GPC4: variants seen among roughly 807,000 people sequenced by gnomAD.
GPC4 encodes glypican-4.
GPC4 carries 10 observed loss-of-function variants against 35.0 expected under a neutral mutation model. The observed-to-expected ratio is 0.29, with a 90% CI of 0.18 to 0.48. The LOEUF (loss-of-function observed/expected upper bound fraction) is 0.48, where lower values mean the gene tolerates loss of function less well. Ranked by LOEUF, GPC4 falls within the 20% of genes least tolerant of loss-of-function variation. GPC4 has a pLI of 0.99. For missense variants in GPC4, 322 were observed against 451.3 expected (o/e 0.71, Z 2.60); for synonymous variants, 167 against 170.2 (o/e 0.98, Z 0.15).
At chrX:133,387,045 C>A (rs2068694234) in intron 1 of GPC4, among the ~76,000 whole-genome samples, 2 of 111,856 alleles carry the variant, frequency 1.8e-5, no homozygotes, top group South Asian at 3.8e-4. Flanking sequence ...AAAAGGAATA[C>A]CTACACCGCT....
At chrX:133,374,212 C>A (rs1043582256) in intron 1 of GPC4, among the ~76,000 whole-genome samples, 2 of 111,352 alleles carry the variant, frequency 1.8e-5, no homozygotes, top group Admixed American at 9.6e-5. Flanking sequence ...AAACCCATAG[C>A]CACCAAAGGG....
At chrX:133,347,706 G>C (rs2068499804) in intron 1 of GPC4, among the ~76,000 whole-genome samples, 1 of 111,335 alleles carries the variant, frequency 9.0e-6, no homozygotes, top group African/African-American at 3.3e-5. Flanking sequence ...CCAGGGAGGT[G>C]GGGGGACGTG....
intron 1 of GPC4, among the ~76,000 whole-genome samples, chrX:133,348,580 A>G (rs558808196): frequency 4.8e-4 from 54 of 112,607 alleles, no homozygotes; most frequent in African/African-American, 1.7e-3. Flanking sequence ...TTTTCTGTCA[A>G]TAATTCAGGT....
chrX:133,403,928 C>A (rs1265928945), intron 1 of GPC4, among the ~76,000 whole-genome samples: 2 of 110,460 alleles, frequency 1.8e-5, no homozygotes, highest in Non-Finnish European at 3.8e-5. Context: ...AACTCCTGGC[C>A]TCAAGTGATC....
intron 7 of GPC4, 58 bp from the exon 8 acceptor site, chrX:133,303,399 C>T: frequency 9.8e-7 from 1 of 1,025,149 alleles, no homozygotes. Context: ...TTTTATCTGT[C>T]TGCCTCCCAA....
At chrX:133,311,597 T>C (rs924695669) in intron 3 of GPC4, 174 bp from the exon 4 acceptor site, 16 of 497,957 alleles carry the variant, frequency 3.2e-5, no homozygotes, top group African/African-American at 2.8e-4. Flanking sequence ...AAAAGATACA[T>C]GTTGGGACAG....
chrX:133,334,256 C>T (rs2068432895), intron 2 of GPC4, among the ~76,000 whole-genome samples: 1 of 111,851 alleles, frequency 8.9e-6, no homozygotes, highest in Admixed American at 9.5e-5. Context: ...CTGAAGAGTG[C>T]TTCGTGCCCT....
At chrX:133,322,696 T>A (rs961872262) in intron 3 of GPC4, among the ~76,000 whole-genome samples, 25 of 111,899 alleles carry the variant, frequency 2.2e-4, no homozygotes, top group African/African-American at 7.1e-4. Context: ...GGCAATCAGG[T>A]GTCTATTTTC....
intron 1 of GPC4, among the ~76,000 whole-genome samples, chrX:133,352,264 C>T (rs1473914058): frequency 8.9e-6 from 1 of 111,903 alleles, no homozygotes; most frequent in Non-Finnish European, 1.9e-5. Context: ...GAGAGTCACA[C>T]ACTCAGATAT....
intron 1 of GPC4, among the ~76,000 whole-genome samples, chrX:133,359,992 G>T (rs2068559748): frequency 9.0e-6 from 1 of 110,600 alleles, no homozygotes; most frequent in Non-Finnish European, 1.9e-5. Flanking sequence ...AACTTTACGG[G>T]AAAGGTGAAA....
intron 1 of GPC4, among the ~76,000 whole-genome samples, chrX:133,390,861 C>T (rs1476438690): frequency 9.0e-6 from 1 of 111,514 alleles, no homozygotes; most frequent in Non-Finnish European, 1.9e-5. Flanking sequence ...TGCCCATCCC[C>T]CAGCTGGTCA....
At chrX:133,334,017 CA>C (rs2068431880) in intron 2 of GPC4, among the ~76,000 whole-genome samples, 1 of 111,902 alleles carries the variant, frequency 8.9e-6, no homozygotes, top group Admixed American at 9.5e-5. Context: ...TAGTTAAAGT[CA>C]GGGGTCAGGA....
At chrX:133,367,637 G>C (rs2068595479) in intron 1 of GPC4, among the ~76,000 whole-genome samples, 1 of 111,784 alleles carries the variant, frequency 8.9e-6, no homozygotes, top group Non-Finnish European at 1.9e-5. Context: ...GGGAGGCCAA[G>C]GCGGGAGAAT....
At position 133,303,181 on chromosome X, in the gene GPC4, C is replaced by G. The variant is rs1312096418; in HGVS notation, c.1453G>C (p.Asp485His). 8.3e-7 allele frequency: 1 copy of G among 1,211,116 alleles called. No individual in the cohort carries two copies. Among genetic ancestry groups the G allele is most frequent in the Non-Finnish European group, 1.1e-6 (1 of 895,200 alleles). The change falls in exon 8 of 9, where the codon GAC (aspartate) becomes CAC (histidine). Residue 485 changes from aspartate (D) to histidine (H), a missense_variant. By Grantham distance (81) the Asp-to-His change is moderately conservative. Coordinates refer to ENST00000370828, the MANE Select transcript of GPC4 (RefSeq NM_001448.3). ...MKNAYNGNDV[D>H]FFDISDESSG... ...AAATGCTTACTGATATCAAAGAAGT[C>G]CACGTCGTTCCCATTGTATGCATTC...
chrX:133,322,106 G>A (rs760302448), intron 3 of GPC4, among the ~76,000 whole-genome samples: 8 of 111,308 alleles, frequency 7.2e-5, no homozygotes, highest in African/African-American at 2.6e-4. Flanking sequence ...AGAGTGACCC[G>A]TGTATCCTGG....
At chrX:133,350,795 C>A (rs1165167480) in intron 1 of GPC4, among the ~76,000 whole-genome samples, 1 of 111,724 alleles carries the variant, frequency 9.0e-6, no homozygotes, top group Non-Finnish European at 1.9e-5. Flanking sequence ...TGGATATGGA[C>A]ATGAGCCACA....
intron 3 of GPC4, among the ~76,000 whole-genome samples, chrX:133,315,788 TG>T (rs1422389854): frequency 4.5e-5 from 5 of 111,788 alleles, no homozygotes; most frequent in Admixed American, 9.5e-5. Flanking sequence ...ACATTTGATA[TG>T]TTTTTTTCTT....
intron 1 of GPC4, among the ~76,000 whole-genome samples, chrX:133,413,079 C>A (rs1030847666): frequency 1.8e-5 from 2 of 112,608 alleles, no homozygotes; most frequent in African/African-American, 6.5e-5. Flanking sequence ...GGCACAAAGA[C>A]CCCAGGTTTG....
chrX:133,410,440 A>G (rs1489196856), intron 1 of GPC4, among the ~76,000 whole-genome samples: 1 of 112,458 alleles, frequency 8.9e-6, no homozygotes, highest in Non-Finnish European at 1.9e-5. Flanking sequence ...TAAATGAGAC[A>G]ATCATGTAAG....
Sources: gnomAD v4.1 joint callset for allele counts (sites outside exome capture counted in the v4.1 genomes callset) on GRCh38, gnomAD v4.1.1 for gene constraint, MANE v1.5 for transcripts, NCBI Gene and HGNC (gene_info 2026-07-23, HGNC 2026-07-21) for gene names.